The following IQCM variants were observed in gnomAD, a reference collection of about 807,000 sequenced individuals.
IQCM encodes the protein IQ domain-containing protein M.
A neutral mutation model predicts 57.6 loss-of-function variants in IQCM; 45 were observed. The observed-to-expected ratio is 0.78, with a 90% CI of 0.62 to 1.00. The LOEUF (loss-of-function observed/expected upper bound fraction) is 1.00. Ranked by LOEUF, IQCM falls within the 50% of genes least tolerant of loss-of-function variation. The pLI, the probability that IQCM is intolerant of heterozygous loss-of-function variation, is 0.00. For synonymous variants in IQCM, 148 were observed against 158.9 expected, an observed-to-expected ratio of 0.93 and a Z score of 0.51; for missense variants, 468 against 511.6, an observed-to-expected ratio of 0.91 and a Z score of 0.82.
At chr4:149,790,174 G>C in intron 2 of IQCM, 1 of 461,058 alleles carries the variant, frequency 2.2e-6, no homozygotes, top group South Asian at 4.6e-5. Flanking sequence ...AACATGAAGA[G>C]AAAGTTTGGG....
intron 3 of IQCM, among the ~76,000 whole-genome samples, chr4:149,736,938 A>G (rs1766993882): frequency 6.6e-6 from 1 of 152,226 alleles, no homozygotes; most frequent in Admixed American, 6.5e-5. Context: ...AACAGCCCAG[A>G]TATGTAACAA....
At chr4:149,815,001 T>C (rs749823999) in intron 2 of IQCM, among the ~76,000 whole-genome samples, 14 of 152,146 alleles carry the variant, frequency 9.2e-5, no homozygotes, top group Non-Finnish European at 1.3e-4. Flanking sequence ...TAGTAGAGTA[T>C]CCTACTCTTT....
rs1560772916 is a variant in IQCM at position 149,360,750 on chromosome 4, A to T, written c.1391-8684T>A. Among the ~76,000 whole-genome samples, 7 of 152,292 alleles carry T rather than the reference A, an allele frequency of 4.6e-5. 1 individual carries two copies. In the South Asian group the frequency reaches 1.4e-3, roughly 32 times the overall value. On this transcript the variant is annotated intron_variant, in intron 13 of 13. Transcript: ENST00000636793. The stretch of plus-strand genomic sequence containing the variant: ...GATTCTGAGGCCTGTAAATCCAATT[A>T]AACCTCTTTTTCTTCCTAGTCTTGG...
chr4:149,563,028 G>A (rs1338311205), intron 10 of IQCM, among the ~76,000 whole-genome samples: 1 of 152,140 alleles, frequency 6.6e-6, no homozygotes, highest in African/African-American at 2.4e-5. Context: ...TTCTCTCAAA[G>A]GTTTTCCAAG....
At chr4:149,529,361 A>C (rs1223657258) in intron 12 of IQCM, among the ~76,000 whole-genome samples, 1 of 152,170 alleles carries the variant, frequency 6.6e-6, no homozygotes, top group East Asian at 1.9e-4. Flanking sequence ...CACCACACCC[A>C]ACCAGAAGAA....
intron 12 of IQCM, among the ~76,000 whole-genome samples, chr4:149,523,083 A>G (rs62338916): frequency 6.6e-6 from 1 of 152,144 alleles, no homozygotes; most frequent in Non-Finnish European, 1.5e-5. Context: ...TGAGGGAGCA[A>G]TTGCTTCCTG....
intron 10 of IQCM, among the ~76,000 whole-genome samples, chr4:149,563,400 T>C (rs1750315379): frequency 6.6e-6 from 1 of 152,144 alleles, no homozygotes; most frequent in South Asian, 2.1e-4. Context: ...CATAACAGAT[T>C]ATTCATCACA....
chr4:149,476,970 A>G (rs1345050890), intron 12 of IQCM, among the ~76,000 whole-genome samples: 1 of 152,196 alleles, frequency 6.6e-6, no homozygotes, highest in Non-Finnish European at 1.5e-5. Context: ...CCTCACAAAT[A>G]CAGGAAAGAC....
chr4:149,800,343 T>C lies in IQCM; in HGVS notation c.-49+14968A>G, dbSNP rs572516506. ...GCAAAAAATGTGTATAGAAGGAACA[T>C]ATCTCAACATAATAAAAGCCATATA... is the stretch of plus-strand genomic sequence containing the variant. On this transcript the variant is annotated intron_variant, in intron 2 of 13. Coordinates refer to ENST00000636793, the MANE Select transcript of IQCM (RefSeq NM_001363507.2). Among the ~76,000 whole-genome samples, 4 of 152,050 alleles carry C rather than the reference T, an allele frequency of 2.6e-5. No individual in the cohort carries two copies. The South Asian group carries it at 8.3e-4, about 32-fold the overall frequency.
intron 12 of IQCM, among the ~76,000 whole-genome samples, chr4:149,488,948 C>G (rs1446044546): frequency 6.6e-6 from 1 of 152,064 alleles, no homozygotes; most frequent in African/African-American, 2.4e-5. Context: ...AAAAACAGAA[C>G]AGTAATTTAA....
chr4:149,533,930 C>A (rs945751786), intron 12 of IQCM, among the ~76,000 whole-genome samples: 1 of 152,038 alleles, frequency 6.6e-6, no homozygotes, highest in Admixed American at 6.6e-5. Flanking sequence ...ATATGAACTG[C>A]ACTTTTCATG....
chr4:149,815,279 T>C (rs550498496), intron 2 of IQCM, 32 bp downstream of exon 2: 1 of 152,084 alleles, frequency 6.6e-6, no homozygotes, highest in South Asian at 2.1e-4. Flanking sequence ...AATTGTTATA[T>C]ACAGACAACG....
intron 12 of IQCM, among the ~76,000 whole-genome samples, chr4:149,487,671 G>C (rs1427340604): frequency 6.6e-6 from 1 of 152,150 alleles, no homozygotes; most frequent in Non-Finnish European, 1.5e-5. Flanking sequence ...GTGCACAGGT[G>C]CAGGCTATGC....
intron 7 of IQCM, among the ~76,000 whole-genome samples, chr4:149,641,021 T>G (rs1758141661): frequency 6.6e-6 from 1 of 152,062 alleles, no homozygotes; most frequent in Non-Finnish European, 1.5e-5. Flanking sequence ...TCCCAGATAC[T>G]CAGGAGGCTG....
At chr4:149,592,507 G>C (rs1284088411) in intron 8 of IQCM, among the ~76,000 whole-genome samples, 1 of 151,820 alleles carries the variant, frequency 6.6e-6, no homozygotes, top group Non-Finnish European at 1.5e-5. Context: ...ATTGCTTTTG[G>C]TGTTTTAGAC....
At chr4:149,630,563 G>A (rs1206049823) in intron 7 of IQCM, among the ~76,000 whole-genome samples, 2 of 152,040 alleles carry the variant, frequency 1.3e-5, no homozygotes, top group Admixed American at 6.6e-5. Context: ...CACATAATTT[G>A]ATTTTTAAAA....
intron 7 of IQCM, among the ~76,000 whole-genome samples, chr4:149,645,585 C>T (rs899056349): frequency 3.9e-5 from 6 of 152,192 alleles, no homozygotes; most frequent in African/African-American, 1.4e-4. Context: ...TGTGAGACAG[C>T]TGTCCAATTT....
chr4:149,803,856 G>T (rs1228248123), intron 2 of IQCM, among the ~76,000 whole-genome samples: 1 of 151,828 alleles, frequency 6.6e-6, no homozygotes, highest in Non-Finnish European at 1.5e-5. Flanking sequence ...TTCTGTTATT[G>T]TATAAGGGCC....
chr4:149,577,790 T>C (rs1282619352), intron 9 of IQCM, among the ~76,000 whole-genome samples: 1 of 151,948 alleles, frequency 6.6e-6, no homozygotes, highest in African/African-American at 2.4e-5. Context: ...TTGATAGGAC[T>C]AGCATTAAAT....
Sources: gnomAD v4.1 joint callset for allele counts (sites outside exome capture counted in the v4.1 genomes callset) on GRCh38, gnomAD v4.1.1 for gene constraint, MANE v1.5 for transcripts, NCBI Gene and HGNC (gene_info 2026-07-23, HGNC 2026-07-21) for gene names.